Variants in RIF1 observed in about 807,000 individuals in gnomAD.
RIF1 encodes the protein telomere-associated protein RIF1.
RIF1 carries 45 observed loss-of-function variants against 247.1 expected under a neutral mutation model. That is an observed-to-expected ratio of 0.18 (90% CI 0.14 to 0.23). The LOEUF is 0.23. RIF1 is among the 10% of genes least tolerant of loss of function. The pLI is 1.00. For missense variants in RIF1, 2,967 were observed against 2,862.5 expected (o/e 1.04, Z -0.83); for synonymous variants, 1,087 against 978.8 (o/e 1.11, Z -2.06).
chr2:151,468,115 G>A lies in RIF1; in HGVS notation c.6716G>A (p.Ser2239Asn). Residue 2239 changes from serine (S) to asparagine (N), a missense_variant, in exon 31 of 36, where the codon AGT becomes AAT. Physicochemically the swap from Ser to Asn is conservative, Grantham distance 46. This residue lies in a region of RIF1 where 2,028 missense variants were observed against 1,825.6 expected (regional missense o/e 1.11). Transcript: ENST00000444746. The stretch of plus-strand genomic sequence containing the variant: ...TCCAATAGTTCTCCCATAGGAAAAA[G>A]TGTTAAAACTTCTCCTACTACACAA... Reference protein sequence around the residue: ...HSSNSSPIGKSVKTSPTTQSK... With the variant: ...HSSNSSPIGKNVKTSPTTQSK... 2 of 1,613,258 alleles carry A rather than the reference G, an allele frequency of 1.2e-6. No individual in the cohort carries two copies. The highest frequency in any genetic ancestry group is 1.7e-6 in the Non-Finnish European group (2 of 1,179,468).
downstream of RIF1, among the ~76,000 whole-genome samples, chr2:151,483,868 T>C (rs946031069): frequency 2.0e-5 from 3 of 152,152 alleles, no homozygotes; most frequent in Admixed American, 1.3e-4. Context: ...GTGCTCCTTA[T>C]GAGAACCTAA....
Position 151,507,065 on chromosome 2 carries a change from CTTTA to C in RIF1, c.*1028-660_*1028-657del. On this transcript the variant is annotated intron_variant and NMD_transcript_variant, in intron 13 of 13. Coordinates refer to the RIF1 transcript ENST00000454583. ...TAAGATTTCAACATTGCTTTGTTTTCTTTATTTGTCCTATATTATGTGAAGAAAA... is the reference window on the plus strand; with the variant it reads ...TAAGATTTCAACATTGCTTTGTTTTCTTTGTCCTATATTATGTGAAGAAAA... 10 of 1,122,548 alleles carry C rather than the reference CTTTA, an allele frequency of 8.9e-6. No homozygotes were observed. In the Middle Eastern group the frequency reaches 1.1e-3, roughly 124 times the overall value. The allele number at this position is 1,122,548 out of a possible 1,614,324, so 69.5% of individuals were successfully genotyped here.
chr2:151,463,489 C>T lies in RIF1; in HGVS notation c.3969C>T (p.Val1323=). 2 of 1,614,058 alleles carry T rather than the reference C, an allele frequency of 1.2e-6. No individual in the cohort carries two copies. Among genetic ancestry groups the T allele is most frequent in the Non-Finnish European group, 8.5e-7 (1 of 1,179,968 alleles). ...AGGAATCTGTTGAAGGCATTGTAGT[C>T]TTAGAAAATAACCCACCTGGTTTGC... is the stretch of plus-strand genomic sequence containing the variant. ...NTEESVEGIV[V]LENNPPGLLN... Residue 1323 remains valine (V), a synonymous_variant, in exon 30 of 36, where the codon GTC becomes GTT. Coordinates refer to ENST00000444746, the MANE Select transcript of RIF1 (RefSeq NM_018151.5).
chr2:151,431,964 C>A (rs1340120996), intron 9 of RIF1, among the ~76,000 whole-genome samples: 1 of 152,116 alleles, frequency 6.6e-6, no homozygotes, highest in Non-Finnish European at 1.5e-5. Context: ...GCCATTCCAC[C>A]AAATACATGG....
chr2:151,421,580 T>G (rs569947498), intron 7 of RIF1, among the ~76,000 whole-genome samples: 17 of 152,250 alleles, frequency 1.1e-4, no homozygotes, highest in African/African-American at 4.1e-4. Flanking sequence ...AAGGTCTTGT[T>G]TTGTTTTTTG....
At chr2:151,512,350 A>C (rs191918237), downstream of RIF1, among the ~76,000 whole-genome samples, 80 of 147,916 alleles carry the variant, frequency 5.4e-4, no homozygotes, top group African/African-American at 1.7e-3. Context: ...TTTTTTTTTT[A>C]AGAGTCTCAC....
chr2:151,446,071 A>G (rs1025798170), intron 19 of RIF1, among the ~76,000 whole-genome samples: 3 of 151,982 alleles, frequency 2.0e-5, no homozygotes, highest in Non-Finnish European at 2.9e-5. Context: ...CAGTGGGGCA[A>G]TCTTGGCTCA....
chr2:151,449,926 T>C (rs1191316130), intron 20 of RIF1, among the ~76,000 whole-genome samples: 1 of 149,990 alleles, frequency 6.7e-6, no homozygotes, highest in Non-Finnish European at 1.5e-5. Flanking sequence ...CACTGCAACC[T>C]CTGCCTCCGG....
At chr2:151,489,865 A>G in intron 9 of RIF1, 1 of 747,172 alleles carries the variant, frequency 1.3e-6, no homozygotes, top group Non-Finnish European at 2.2e-6. Flanking sequence ...ATTATATAAA[A>G]TAGAAGGTTT....
At chr2:151,461,482 C>T (rs946790679) in intron 27 of RIF1, among the ~76,000 whole-genome samples, 193 bp downstream of exon 27, 1 of 151,538 alleles carries the variant, frequency 6.6e-6, no homozygotes, top group African/African-American at 2.4e-5. Flanking sequence ...AGCTCCGCCT[C>T]CCAGGTTCAC....
chr2:151,457,554 GA>G (rs1372238827), intron 23 of RIF1, among the ~76,000 whole-genome samples: 2 of 151,808 alleles, frequency 1.3e-5, no homozygotes, highest in African/African-American at 4.9e-5. Flanking sequence ...TTTGTTAATA[GA>G]AAATAAGTTC....
chr2:151,418,307 T>C (rs1687563279), intron 6 of RIF1, among the ~76,000 whole-genome samples: 1 of 152,188 alleles, frequency 6.6e-6, no homozygotes, highest in South Asian at 2.1e-4. Context: ...CAGGTTCAAG[T>C]AATTCTTGTG....
downstream of RIF1, among the ~76,000 whole-genome samples, chr2:151,484,973 C>T (rs1574235672): frequency 1.3e-5 from 2 of 152,264 alleles, no homozygotes; most frequent in East Asian, 3.9e-4. Flanking sequence ...AGCATTACTA[C>T]GGCTGTAAAG....
chr2:151,467,408 G>C (rs559623608), intron 30 of RIF1, among the ~76,000 whole-genome samples: 1 of 151,764 alleles, frequency 6.6e-6, no homozygotes, highest in Non-Finnish European at 1.5e-5. Flanking sequence ...GCAGTGGCAC[G>C]ATCTTGGCTC....
chr2:151,419,595 A>T (rs943077453), intron 6 of RIF1, among the ~76,000 whole-genome samples: 2 of 152,142 alleles, frequency 1.3e-5, no homozygotes, highest in African/African-American at 4.8e-5. Flanking sequence ...AAGTGCTGAG[A>T]TTACAGGTGT....
rs150723234 is a variant in RIF1, at chr2:151,421,166, T to G, written c.693+787T>G. On this transcript the variant is annotated intron_variant, in intron 7 of 35. Transcript: ENST00000444746. ...GTTGCAGGCGCTGTGAATATAGCAG[T>G]GAACAAAAGAGGCTTGATGGAGCTT... 1.7e-3 allele frequency among the ~76,000 whole-genome samples: 257 copies of G among 152,302 alleles called. 1 individual carries two copies. The highest frequency in any genetic ancestry group is 5.9e-3 in the African/African-American group (247 of 41,566).
intron 29 of RIF1, among the ~76,000 whole-genome samples, 178 bp downstream of exon 29, chr2:151,462,644 A>G (rs1696363208): frequency 8.6e-6 from 1 of 116,328 alleles, no homozygotes; most frequent in African/African-American, 2.6e-5. Context: ...AGCAGACACT[A>G]GTCAGTGTGT....
At chr2:151,442,606 T>C (rs1692529848) in intron 16 of RIF1, among the ~76,000 whole-genome samples, 1 of 152,074 alleles carries the variant, frequency 6.6e-6, no homozygotes, top group Non-Finnish European at 1.5e-5. Flanking sequence ...GTTACTGCCA[T>C]AAATATTGGA....
chr2:151,496,355 T>G (rs1263582590), intron 10 of RIF1: 2 of 1,609,714 alleles, frequency 1.2e-6, no homozygotes, highest in Admixed American at 3.4e-5. Context: ...GCCCATGTTT[T>G]CTTTGTATAA....
Sources: gnomAD v4.1 joint callset for allele counts (sites outside exome capture counted in the v4.1 genomes callset) on GRCh38, gnomAD v4.1.1 for gene constraint, gnomAD v4.1.1 regional missense constraint, MANE v1.5 for transcripts, NCBI Gene and HGNC (gene_info 2026-07-23, HGNC 2026-07-21) for gene names.